The following PCDHA2 variants were observed in gnomAD, a reference collection of about 807,000 sequenced individuals.
The protein encoded by PCDHA2 is protocadherin alpha 2.
A neutral mutation model predicts 66.0 loss-of-function variants in PCDHA2; 58 were observed. The observed-to-expected ratio is 0.88, with a 90% CI of 0.71 to 1.09. The LOEUF (loss-of-function observed/expected upper bound fraction) is 1.09, where lower values mean the gene tolerates loss of function less well. PCDHA2 is among the 50% of genes least tolerant of loss of function. The pLI, the probability that PCDHA2 is intolerant of heterozygous loss-of-function variation, is 0.00. For synonymous variants in PCDHA2, 634 were observed against 554.0 expected (o/e 1.14, Z -2.03); for missense variants, 1,267 against 1,242.3 (o/e 1.02, Z -0.30).
At chr5:140,965,239 G>C (rs7722865) in intron 1 of PCDHA2, among the ~76,000 whole-genome samples, 9,112 of 152,230 alleles carry the variant, frequency 0.06, 825 homozygotes, top group African/African-American at 0.2. Context: ...CCTGGGAAGA[G>C]TGAATATTCA....
chr5:140,838,754 T>C lies in PCDHA2; in HGVS notation c.2388+41402T>C, dbSNP rs1775868330. Among the ~76,000 whole-genome samples, 3 of 152,010 alleles carry C rather than the reference T, an allele frequency of 2.0e-5. No individual in the cohort carries two copies. In the South Asian group the frequency reaches 6.2e-4, roughly 32 times the overall value. On this transcript the variant is annotated intron_variant, in intron 1 of 3. Transcript: ENST00000526136. ...AGTTTGAGACCAGCTTGTGCATCTT[T>C]TGTAGAGACTTTGTAAAATTAGCTA...
chr5:140,926,767 C>T (rs1323702990), intron 1 of PCDHA2: 8 of 1,358,906 alleles, frequency 5.9e-6, no homozygotes, highest in Admixed American at 3.2e-5. Context: ...AGTATCCAGC[C>T]CGCAGCAGTG....
At chr5:140,921,080 A>G (rs1329038497) in intron 1 of PCDHA2, among the ~76,000 whole-genome samples, 1 of 152,008 alleles carries the variant, frequency 6.6e-6, no homozygotes. Context: ...CTTGGGCTCA[A>G]GAGAATCCTC....
intron 1 of PCDHA2, chr5:140,836,860 A>G: frequency 1.3e-6 from 1 of 774,528 alleles, no homozygotes; most frequent in East Asian, 2.8e-5. Context: ...TTATTTTTTA[A>G]TGTTATGCTG....
chr5:140,961,920 G>A (rs2095643236), intron 1 of PCDHA2, among the ~76,000 whole-genome samples: 1 of 147,904 alleles, frequency 6.8e-6, no homozygotes, highest in South Asian at 2.1e-4. Context: ...GTCTCGCTCT[G>A]TTGCCCAGGC....
chr5:140,798,355 G>A (rs973220775), intron 1 of PCDHA2, among the ~76,000 whole-genome samples: 3 of 152,126 alleles, frequency 2.0e-5, no homozygotes, highest in African/African-American at 7.2e-5. Context: ...TAACATTTTT[G>A]AGTTATCAGG....
intron 1 of PCDHA2, chr5:140,828,790 G>T: frequency 6.2e-7 from 1 of 1,614,182 alleles, no homozygotes; most frequent in Non-Finnish European, 8.5e-7. Flanking sequence ...TCACAGTGCT[G>T]GATGTGAATG....
Position 140,835,939 on chromosome 5 carries a change from C to T in PCDHA2, c.2388+38587C>T, listed in dbSNP as rs1352596879. ...CACGCGGAGAGCGGCAAGGTGTACGCGCTGCAGCCGTTGGACCACGAGGAG... is the reference window on the plus strand; with the variant it reads ...CACGCGGAGAGCGGCAAGGTGTACGTGCTGCAGCCGTTGGACCACGAGGAG... On this transcript the variant is annotated intron_variant, in intron 1 of 3. Coordinates refer to ENST00000526136, the MANE Select transcript of PCDHA2 (RefSeq NM_018905.3). 4 of 1,612,400 alleles carry T rather than the reference C, an allele frequency of 2.5e-6. No homozygotes were observed. The African/African-American group carries it at 5.3e-5, about 22-fold the overall frequency.
intron 1 of PCDHA2, chr5:140,877,674 G>A: frequency 1.9e-6 from 3 of 1,613,628 alleles, no homozygotes; most frequent in South Asian, 1.1e-5. Flanking sequence ...GGTGCGCGCC[G>A]GGCAAGCCCA....
Position 140,850,172 on chromosome 5 carries a change from C to T in PCDHA2, c.2388+52820C>T, listed in dbSNP as rs2150470572. The T allele has an allele frequency of 5.0e-6, 8 of 1,594,262 alleles. 1 individual carries two copies. In the Admixed American group the frequency reaches 6.7e-5, roughly 13 times the overall value. On this transcript the variant is annotated intron_variant, in intron 1 of 3. Coordinates refer to ENST00000526136, the MANE Select transcript of PCDHA2 (RefSeq NM_018905.3). The stretch of plus-strand genomic sequence containing the variant: ...TGCAGGTGTTCGTGCTGGACGAGAA[C>T]GACAATGCGCCGGCGCTGCTGACAC...
At chr5:140,843,750 A>G (rs2150366095) in intron 1 of PCDHA2, 5 of 1,520,464 alleles carry the variant, frequency 3.3e-6, no homozygotes, top group South Asian at 1.2e-5. Context: ...CATAAATTCT[A>G]TTTGTGGAAA....
Position 140,852,234 on chromosome 5 carries a change from C to T in PCDHA2, c.2388+54882C>T, listed in dbSNP as rs2150513960. On this transcript the variant is annotated intron_variant, in intron 1 of 3. Coordinates refer to ENST00000526136, the MANE Select transcript of PCDHA2 (RefSeq NM_018905.3). The stretch of plus-strand genomic sequence containing the variant: ...AAAATATTTTAATTTTTAAATTTTC[C>T]CTTAAAACACACTTTTGGAATATGC... 9.0e-5 allele frequency: 51 copies of T among 567,386 alleles called. 1 individual carries two copies. In the East Asian group the frequency reaches 2.4e-3, roughly 26 times the overall value. 35.1% of individuals were successfully genotyped at this position (567,386 alleles called of 1,614,324 possible).
At chr5:140,978,528 C>T (rs903940636) in intron 1 of PCDHA2, among the ~76,000 whole-genome samples, 1 of 152,192 alleles carries the variant, frequency 6.6e-6, no homozygotes, top group Non-Finnish European at 1.5e-5. Flanking sequence ...GCCAGGCCAG[C>T]AGAACTTGTG....
chr5:140,973,815 A>C (rs2096603789), intron 1 of PCDHA2, among the ~76,000 whole-genome samples: 1 of 152,224 alleles, frequency 6.6e-6, no homozygotes, highest in African/African-American at 2.4e-5. Flanking sequence ...CAGAATAGCA[A>C]AGTCAGTTCT....
intron 1 of PCDHA2, among the ~76,000 whole-genome samples, chr5:140,913,117 G>T (rs1055437222): frequency 1.3e-5 from 2 of 152,144 alleles, no homozygotes; most frequent in Non-Finnish European, 2.9e-5. Flanking sequence ...CAGTTTGGAA[G>T]TTAACCCCTC....
chr5:141,005,535 C>T (rs1254351919), intron 3 of PCDHA2, among the ~76,000 whole-genome samples: 2 of 151,078 alleles, frequency 1.3e-5, no homozygotes, highest in Non-Finnish European at 2.9e-5. Flanking sequence ...AACCCCGTCT[C>T]TACTAAAAAT....
intron 1 of PCDHA2, among the ~76,000 whole-genome samples, chr5:140,944,386 T>C (rs1228891284): frequency 6.6e-6 from 1 of 152,054 alleles, no homozygotes; most frequent in Admixed American, 6.6e-5. Flanking sequence ...GGAGTCTCAC[T>C]GTGTTATCCA....
At chr5:140,887,982 A>T (rs1372528675) in intron 1 of PCDHA2, among the ~76,000 whole-genome samples, 1 of 152,180 alleles carries the variant, frequency 6.6e-6, no homozygotes, top group African/African-American at 2.4e-5. Flanking sequence ...AATTTATTTT[A>T]CATGTCTCCA....
chr5:141,000,419 A>ATTTTT (rs1563652468), intron 3 of PCDHA2, among the ~76,000 whole-genome samples: 15 of 60,994 alleles, frequency 2.5e-4, no homozygotes, highest in East Asian at 5.4e-4. Flanking sequence ...ATATATATAT[A>ATTTTT]TATTTTTTTT....
Sources: allele counts gnomAD v4.1 joint callset (sites outside exome capture counted in the v4.1 genomes callset), GRCh38; gene constraint gnomAD v4.1.1; transcripts MANE v1.5; gene names NCBI Gene and HGNC (gene_info 2026-07-23, HGNC 2026-07-21).